CRB1: variants seen among roughly 807,000 people sequenced by gnomAD.
The protein encoded by CRB1 is crumbs cell polarity complex component 1.
Under a neutral mutation model 120.0 loss-of-function variants are expected in CRB1, and 83 were observed. That is an observed-to-expected ratio of 0.69 (90% CI 0.58 to 0.83). The LOEUF (loss-of-function observed/expected upper bound fraction) is 0.83. Among genes scored for constraint, CRB1 ranks in the 40% least tolerant of loss-of-function variants. The pLI, the probability that CRB1 is intolerant of heterozygous loss-of-function variation, is 0.00. For missense variants in CRB1, 1,699 were observed against 1,687.6 expected, an observed-to-expected ratio of 1.01 and a Z score of -0.12; for synonymous variants, 625 against 612.5, an observed-to-expected ratio of 1.02 and a Z score of -0.30.
intron 1 of CRB1, among the ~76,000 whole-genome samples, chr1:197,327,278 A>G (rs1420928863): frequency 1.3e-5 from 2 of 152,182 alleles, no homozygotes; most frequent in Non-Finnish European, 2.9e-5. Context: ...ACCACTGAAT[A>G]CAACTTTCAG....
chr1:197,378,881 A>G (rs1484265889), intron 5 of CRB1, among the ~76,000 whole-genome samples: 1 of 152,216 alleles, frequency 6.6e-6, no homozygotes, highest in African/African-American at 2.4e-5. Flanking sequence ...TATAAAGAGA[A>G]CATGCTCATG....
chr1:197,335,407 T>G (rs1659094010), intron 2 of CRB1, among the ~76,000 whole-genome samples: 1 of 152,164 alleles, frequency 6.6e-6, no homozygotes, highest in Non-Finnish European at 1.5e-5. Context: ...GGAATTCAAG[T>G]GTCTAAGGGA....
chr1:197,213,857 A>G, the CRB1 span, among the ~76,000 whole-genome samples: 1 of 152,102 alleles, frequency 6.6e-6, no homozygotes, highest in Non-Finnish European at 1.5e-5. Context: ...AACACAAAAC[A>G]CCGAAACTTA....
chr1:197,442,464 C>T (rs1665503548), intron 11 of CRB1, 172 bp downstream of exon 11: 2 of 1,532,854 alleles, frequency 1.3e-6, no homozygotes, highest in Non-Finnish European at 1.7e-6. Flanking sequence ...CATTGAATTT[C>T]AAGAAATGCC....
intron 11 of CRB1, among the ~76,000 whole-genome samples, chr1:197,451,086 T>G (rs866858936): frequency 6.6e-6 from 1 of 152,122 alleles, no homozygotes; most frequent in Non-Finnish European, 1.5e-5. Flanking sequence ...TGTAATGCAT[T>G]GATTTGCACC....
chr1:197,245,179 T>A, the CRB1 span, among the ~76,000 whole-genome samples: 1 of 152,136 alleles, frequency 6.6e-6, no homozygotes, highest in South Asian at 2.1e-4. Context: ...TCATTGAACA[T>A]TAGGTATATC....
intron 9 of CRB1, among the ~76,000 whole-genome samples, chr1:197,437,796 A>C (rs1297984750): frequency 1.3e-5 from 2 of 152,164 alleles, no homozygotes; most frequent in African/African-American, 4.8e-5. Context: ...TAGTTATCTG[A>C]TACCATGCAC....
chr1:197,255,996 T>TATATATATATATATATATATATATATAC, the CRB1 span, among the ~76,000 whole-genome samples: 10 of 116,706 alleles, frequency 8.6e-5, no homozygotes, highest in Non-Finnish European at 1.2e-4. Context: ...TATATATATA[T>TATATATATATATATATATATATATATAC]ACACTACAAT....
intron 11 of CRB1, among the ~76,000 whole-genome samples, chr1:197,461,505 C>T (rs1380532201): frequency 6.6e-6 from 1 of 152,090 alleles, no homozygotes; most frequent in Non-Finnish European, 1.5e-5. Flanking sequence ...GTGGCTGCCT[C>T]TTCAAATTAA....
intron 11 of CRB1, among the ~76,000 whole-genome samples, chr1:197,448,263 A>G (rs932051456): frequency 1.8e-4 from 28 of 152,250 alleles, no homozygotes; most frequent in Admixed American, 1.2e-3. Context: ...ATGAGCAAAA[A>G]CAACTTTAAG....
chr1:197,264,595 T>G (rs966730519), upstream of CRB1, among the ~76,000 whole-genome samples: 4 of 151,508 alleles, frequency 2.6e-5, no homozygotes, highest in African/African-American at 7.3e-5. Context: ...ACACAGTGAA[T>G]AAGAACAGTG....
chr1:197,203,831 G>T, the CRB1 span, among the ~76,000 whole-genome samples: 1 of 152,200 alleles, frequency 6.6e-6, no homozygotes, highest in Non-Finnish European at 1.5e-5. Flanking sequence ...TAGGGGAACA[G>T]GTGGTATTTG....
At chr1:197,403,374 C>G (rs1255633493) in intron 5 of CRB1, among the ~76,000 whole-genome samples, 1 of 152,142 alleles carries the variant, frequency 6.6e-6, no homozygotes, top group Admixed American at 6.6e-5. Flanking sequence ...CCACTTCTTG[C>G]CATTGATCCA....
chr1:197,283,591 AGTAGT>A (rs1655659806), intron 1 of CRB1, among the ~76,000 whole-genome samples: 3 of 151,858 alleles, frequency 2.0e-5, no homozygotes, highest in Non-Finnish European at 4.4e-5. Flanking sequence ...TTTATGGCTG[AGTAGT>A]ATTCCATCAT....
At chr1:197,342,406 C>A (rs1285061135) in intron 2 of CRB1, among the ~76,000 whole-genome samples, 1 of 152,164 alleles carries the variant, frequency 6.6e-6, no homozygotes, top group Non-Finnish European at 1.5e-5. Context: ...TCTAAACATT[C>A]TTGTTTTTGA....
At chr1:197,228,367 A>G in the CRB1 span, among the ~76,000 whole-genome samples, 5 of 152,176 alleles carry the variant, frequency 3.3e-5, no homozygotes, top group Admixed American at 6.5e-5. Context: ...GCTGCTTAGA[A>G]ATTTCTTCCA....
At chr1:197,270,425 T>C (rs950959034) in intron 1 of CRB1, among the ~76,000 whole-genome samples, 2 of 152,176 alleles carry the variant, frequency 1.3e-5, no homozygotes, top group African/African-American at 2.4e-5. Flanking sequence ...AGGTACTTAG[T>C]AGATCCTAGG....
At chr1:197,410,425 C>T (rs1036671990) in intron 5 of CRB1, among the ~76,000 whole-genome samples, 19 of 151,988 alleles carry the variant, frequency 1.3e-4, no homozygotes, top group Admixed American at 3.3e-4. Context: ...GTAATCAATA[C>T]GGAGAAAAAT....
At chr1:197,346,301 AAAG>A (rs979729929) in intron 3 of CRB1, among the ~76,000 whole-genome samples, 2 of 152,090 alleles carry the variant, frequency 1.3e-5, no homozygotes, top group African/African-American at 2.4e-5. Flanking sequence ...AAAAAAAAAA[AAAG>A]AACTTCTTGC....
Sources: gnomAD v4.1 joint callset for allele counts (sites outside exome capture counted in the v4.1 genomes callset) on GRCh38, gnomAD v4.1.1 for gene constraint, MANE v1.5 for transcripts, NCBI Gene and HGNC (gene_info 2026-07-23, HGNC 2026-07-21) for gene names.